HPSE2: variants seen among roughly 807,000 people sequenced by gnomAD.
HPSE2 encodes inactive heparanase-2.
HPSE2 carries 38 observed loss-of-function variants against 60.5 expected under a neutral mutation model. The observed-to-expected ratio is 0.63, with a 90% CI of 0.48 to 0.82. HPSE2 has a LOEUF of 0.82. Ranked by LOEUF, HPSE2 falls within the 40% of genes least tolerant of loss-of-function variation. HPSE2 has a pLI of 0.00. For missense variants in HPSE2, 713 were observed against 740.4 expected (o/e 0.96, Z 0.43); for synonymous variants, 295 against 293.2 (o/e 1.01, Z -0.06).
chr10:99,167,487 T>C (rs947708960), intron 2 of HPSE2, among the ~76,000 whole-genome samples: 6 of 152,238 alleles, frequency 3.9e-5, no homozygotes, highest in Admixed American at 3.9e-4. Context: ...ACATAAGAAC[T>C]TCCAATTTTT....
intron 3 of HPSE2, among the ~76,000 whole-genome samples, chr10:98,875,513 T>C (rs1309158042): frequency 6.6e-6 from 1 of 151,706 alleles, no homozygotes; most frequent in Non-Finnish European, 1.5e-5. Flanking sequence ...GATAACAAGT[T>C]CTGAAATTGA....
the HPSE2 span, among the ~76,000 whole-genome samples, chr10:99,305,960 C>T: frequency 7.6e-5 from 6 of 79,036 alleles, no homozygotes; most frequent in East Asian, 1.6e-3. Context: ...AACTCACACA[C>T]ACGCGCGCGC....
In HPSE2 at chr10:98,482,753, A is replaced by G. The variant is rs1941291157; in HGVS notation, c.1496T>C (p.Leu499Pro). Reference sequence around the variant, plus strand: ...TGATCGATGCAAGTTGATGATAAAAAGTGTAATGGACCCACGAACGTAGTT... The same window carrying G: ...TGATCGATGCAAGTTGATGATAAAAGGTGTAATGGACCCACGAACGTAGTT... The part of the protein sequence containing the change: ...NHNYVRGSIT[L>P]FIINLHRSRK... Residue 499 changes from leucine (L) to proline (P), a missense_variant, in exon 11 of 12, where the codon CTT becomes CCT. Transcript: ENST00000370552. The G allele has an allele frequency of 6.2e-7, 1 of 1,614,104 alleles. No homozygotes were observed. Among genetic ancestry groups the G allele is most frequent in the South Asian group, 1.1e-5 (1 of 91,086 alleles).
chr10:99,127,953 A>C (rs1183738876), intron 3 of HPSE2, among the ~76,000 whole-genome samples: 1 of 152,216 alleles, frequency 6.6e-6, no homozygotes, highest in South Asian at 2.1e-4. Flanking sequence ...AGAATTCACC[A>C]CTACCAAGCC....
At chr10:98,953,613 G>A (rs559113891) in intron 3 of HPSE2, among the ~76,000 whole-genome samples, 29 of 152,278 alleles carry the variant, frequency 1.9e-4, no homozygotes, top group South Asian at 4.1e-4. Context: ...GTGGAAGGAG[G>A]AACTGTTTTG....
At chr10:98,935,733 G>T (rs11189884) in intron 3 of HPSE2, among the ~76,000 whole-genome samples, 76,824 of 143,492 alleles carry the variant, frequency 0.54, 25,789 homozygotes, top group Non-Finnish European at 0.65. Flanking sequence ...AACCACTGTT[G>T]GGAGGTCTCA....
intron 2 of HPSE2, among the ~76,000 whole-genome samples, chr10:99,161,301 C>A (rs978504333): frequency 1.3e-5 from 2 of 150,972 alleles, no homozygotes; most frequent in Non-Finnish European, 1.5e-5. Context: ...GCCCAAATGT[C>A]CAGAAACTAG....
chr10:98,744,371 T>C (rs984350883), intron 3 of HPSE2, among the ~76,000 whole-genome samples: 9 of 151,780 alleles, frequency 5.9e-5, no homozygotes, highest in Non-Finnish European at 8.8e-5. Context: ...CTACTAAAAA[T>C]ACAAAATTTG....
chr10:98,745,734 A>T (rs1949613635), intron 3 of HPSE2, among the ~76,000 whole-genome samples: 3 of 152,180 alleles, frequency 2.0e-5, no homozygotes, highest in African/African-American at 7.2e-5. Context: ...ACACAGTTTT[A>T]AAAAGCTTCT....
the HPSE2 span, among the ~76,000 whole-genome samples, chr10:99,257,447 G>A: frequency 2.0e-5 from 3 of 152,060 alleles, no homozygotes; most frequent in Non-Finnish European, 2.9e-5. Flanking sequence ...TGGCCGCTTC[G>A]GGGGGCAGCT....
intron 9 of HPSE2, among the ~76,000 whole-genome samples, chr10:98,523,651 G>A (rs1055329028): frequency 6.6e-6 from 1 of 152,176 alleles, no homozygotes; most frequent in Non-Finnish European, 1.5e-5. Flanking sequence ...AAGCTGGATG[G>A]AAAAATTTTC....
intron 2 of HPSE2, among the ~76,000 whole-genome samples, chr10:99,220,750 C>G (rs1370468243): frequency 6.8e-6 from 1 of 147,984 alleles, no homozygotes. Flanking sequence ...TTGCAGTGAG[C>G]TGAGACTGCA....
At chr10:98,557,121 G>C (rs1403883450) in intron 9 of HPSE2, among the ~76,000 whole-genome samples, 1 of 152,092 alleles carries the variant, frequency 6.6e-6, no homozygotes, top group Non-Finnish European at 1.5e-5. Flanking sequence ...GCTGAGGCAG[G>C]AGAATGGCAT....
chr10:98,500,892 G>A (rs760987396), intron 9 of HPSE2, among the ~76,000 whole-genome samples: 5 of 151,968 alleles, frequency 3.3e-5, no homozygotes, highest in Non-Finnish European at 7.4e-5. Context: ...TGAAATACAA[G>A]AGATCACTCA....
intron 3 of HPSE2, among the ~76,000 whole-genome samples, chr10:98,800,667 T>G (rs1338645929): frequency 6.6e-6 from 1 of 151,736 alleles, no homozygotes; most frequent in African/African-American, 2.4e-5. Context: ...CTACCAAGAT[T>G]GAACCATGAA....
At chr10:98,482,165 A>G (rs548312630) in intron 11 of HPSE2, among the ~76,000 whole-genome samples, 42 of 152,280 alleles carry the variant, frequency 2.8e-4, no homozygotes, top group African/African-American at 9.6e-4. Flanking sequence ...CTCTTTGTTT[A>G]GTGCTCCTTC....
intron 6 of HPSE2, among the ~76,000 whole-genome samples, chr10:98,647,598 T>C (rs1014117556): frequency 2.6e-5 from 4 of 152,186 alleles, no homozygotes; most frequent in African/African-American, 9.6e-5. Context: ...AAAAACCCTG[T>C]TCACCTATAA....
At chr10:98,504,283 C>T (rs1942122205) in intron 9 of HPSE2, among the ~76,000 whole-genome samples, 1 of 152,118 alleles carries the variant, frequency 6.6e-6, no homozygotes, top group African/African-American at 2.4e-5. Context: ...CTGTTATTTA[C>T]TATGTTCAAT....
rs145993826 is a variant in HPSE2 at position 99,126,287 on chromosome 10, A to G, written c.610+17951T>C. ...GCCTGAGAACCACAACCAATCCCCCACAGTGGCCGCAGCAAGCCTTGCCCA... is the reference window on the plus strand; with the variant it reads ...GCCTGAGAACCACAACCAATCCCCCGCAGTGGCCGCAGCAAGCCTTGCCCA... On this transcript the variant is annotated intron_variant, in intron 3 of 11. Transcript: ENST00000370552. This position sits in a 1 kb window ranked among gnomAD's most constrained non-coding sequence, Gnocchi z 4.0. 4.4e-3 allele frequency among the ~76,000 whole-genome samples: 663 copies of G among 152,118 alleles called. 2 individuals are homozygous for G. The highest frequency in any genetic ancestry group is 6.9e-3 in the Non-Finnish European group (467 of 67,962).
Sources: gnomAD v4.1 joint callset for allele counts (sites outside exome capture counted in the v4.1 genomes callset) on GRCh38, gnomAD v4.1.1 for gene constraint, Gnocchi (gnomAD v3.1) non-coding constraint, MANE v1.5 for transcripts, NCBI Gene and HGNC (gene_info 2026-07-23, HGNC 2026-07-21) for gene names.